The following STOM variants were observed in gnomAD, a reference collection of about 807,000 sequenced individuals.
The protein encoded by STOM is stomatin.
STOM carries 25 observed loss-of-function variants against 30.6 expected under a neutral mutation model. That is an observed-to-expected ratio of 0.82 (90% CI 0.60 to 1.14). STOM has a LOEUF of 1.14. Ranked by LOEUF, STOM falls within the 50% of genes most tolerant of loss-of-function variation. The pLI is 0.00. For synonymous variants in STOM, 118 were observed against 130.8 expected (o/e 0.90, Z 0.67); for missense variants, 292 against 365.2 (o/e 0.80, Z 1.63).
chr9:121,344,351 T>A (rs2064271613), intron 6 of STOM, among the ~76,000 whole-genome samples: 1 of 152,138 alleles, frequency 6.6e-6, no homozygotes, highest in African/African-American at 2.4e-5. Context: ...AATTAGGCAC[T>A]TTTTTCTTTG....
At chr9:121,345,470 C>G (rs1448066341) in intron 6 of STOM, among the ~76,000 whole-genome samples, 1 of 152,190 alleles carries the variant, frequency 6.6e-6, no homozygotes, top group Non-Finnish European at 1.5e-5. Flanking sequence ...TTATTCCACT[C>G]TATCTCACCT....
At chr9:121,360,893 G>A (rs1161606900) in intron 1 of STOM, among the ~76,000 whole-genome samples, 2 of 152,168 alleles carry the variant, frequency 1.3e-5, no homozygotes. Context: ...ACTGGATTTG[G>A]TCTTTCACAT....
Position 121,341,385 on chromosome 9 carries a change from C to A in STOM, c.684G>T (p.Met228Ile). ...RAKVIAAEGE[M>I]NASRALKEAS... Reference sequence around the variant, plus strand: ...CTTCTTTCAGAGCCCTGGATGCATTCATTTCTCCTTCGGCTGCAATAACCT... The same window carrying A: ...CTTCTTTCAGAGCCCTGGATGCATTAATTTCTCCTTCGGCTGCAATAACCT... The change falls in exon 7 of 7, where the codon ATG becomes ATT. Residue 228 changes from methionine to isoleucine, a missense_variant. Physicochemically the swap from Met to Ile is conservative, Grantham distance 10. Coordinates refer to ENST00000286713, the MANE Select transcript of STOM (RefSeq NM_004099.6). 6.2e-7 allele frequency: 1 copy of A among 1,613,468 alleles called. No individual in the cohort carries two copies. The highest frequency in any genetic ancestry group is 2.2e-5 in the East Asian group (1 of 44,884).
chr9:121,360,778 T>A (rs2064443863), intron 1 of STOM, among the ~76,000 whole-genome samples: 1 of 152,048 alleles, frequency 6.6e-6, no homozygotes, highest in Non-Finnish European at 1.5e-5. Flanking sequence ...TCAGCCCAGT[T>A]TTTTTTGTGT....
intron 1 of STOM, among the ~76,000 whole-genome samples, chr9:121,361,683 C>T (rs1221004192): frequency 6.6e-6 from 1 of 152,140 alleles, no homozygotes. Context: ...CCAATGCACC[C>T]GGCCACTTGT....
Position 121,357,441 on chromosome 9 carries a change from T to TATATATATATATA in STOM, c.62-1286_62-1285insTATATATATATAT, listed in dbSNP as rs1564631312. On this transcript the variant is annotated intron_variant, in intron 1 of 6. Coordinates refer to ENST00000286713, the MANE Select transcript of STOM (RefSeq NM_004099.6). ...TTTTAAATGATATATATATATATAT[T>TATATATATATATA]TATTTATTTATTTTTTGAGACAGAG... Among the ~76,000 whole-genome samples the TATATATATATATA allele has an allele frequency of 1.3e-3, 96 of 74,084 alleles. 6 individuals carry two copies. The South Asian group carries it at 0.024, about 18-fold the overall frequency. The allele number at this position is 74,084 out of a possible 152,430, so 48.6% of individuals were successfully genotyped here.
chr9:121,354,146 T>C (rs959947759), intron 3 of STOM, among the ~76,000 whole-genome samples: 4 of 152,234 alleles, frequency 2.6e-5, no homozygotes, highest in African/African-American at 4.8e-5. Flanking sequence ...AGTCTTTCTT[T>C]GGTAGAGATT....
Position 121,349,305 on chromosome 9 carries a change from C to T in STOM, c.340G>A (p.Val114Met). ...ACCACACCATCCACGCTAATTGTCA[C>T]TGAATCCTTTGTGAGGATCTACAAG... ...PPQEILTKDS[V>M]TISVDGVVYY... The change falls in exon 5 of 7, where the codon GTG becomes ATG. Residue 114 changes from valine (V) to methionine (M), a missense_variant. By Grantham distance (21) the Val-to-Met change is conservative. Coordinates refer to ENST00000286713, the MANE Select transcript of STOM (RefSeq NM_004099.6). 2 of 1,614,112 alleles carry T rather than the reference C, an allele frequency of 1.2e-6. No individual in the cohort carries two copies. The highest frequency in any genetic ancestry group is 1.7e-6 in the Non-Finnish European group (2 of 1,179,994).
chr9:121,345,022 C>A (rs902324030), intron 6 of STOM, among the ~76,000 whole-genome samples: 4 of 152,144 alleles, frequency 2.6e-5, no homozygotes, highest in Non-Finnish European at 4.4e-5. Context: ...TACATTCATT[C>A]TCTTTGCTAT....
intron 2 of STOM, 34 bp from the exon 3 acceptor site, chr9:121,354,707 A>T: frequency 6.6e-7 from 1 of 1,507,930 alleles, no homozygotes; most frequent in Non-Finnish European, 9.1e-7. Context: ...ATTTAACATG[A>T]AGAGTACAAA....
At chr9:121,355,956 A>G (rs2064385145) in intron 2 of STOM, 97 bp downstream of exon 2, 1 of 729,864 alleles carries the variant, frequency 1.4e-6, no homozygotes, top group Admixed American at 3.2e-5. Context: ...AGAGAGAGAC[A>G]GTCTGTTTCT....
chr9:121,365,475 A>G (rs2064493950), intron 1 of STOM, among the ~76,000 whole-genome samples: 1 of 129,140 alleles, frequency 7.7e-6, no homozygotes, highest in African/African-American at 2.6e-5. Context: ...CCCACTTTTT[A>G]GGTTTTTTTT....
chr9:121,370,240 G>C lies in STOM; in HGVS notation c.-53C>G. 2.6e-6 allele frequency: 4 copies of C among 1,520,286 alleles called. No homozygotes were observed. Among genetic ancestry groups the C allele is most frequent in the Non-Finnish European group, 3.5e-6 (4 of 1,127,804 alleles). 94.2% of individuals were successfully genotyped at this position (1,520,286 alleles called of 1,614,324 possible). A position where few individuals can be genotyped will look rare whatever the true frequency, so the allele number is the denominator to read the frequency against. On this transcript the variant is annotated 5_prime_UTR_variant, in exon 1 of 7. Transcript: ENST00000286713. ...CGTCCTCGTTGCCAAACCCGGAGCCGCCGGGAATGCCCTGAGGAGCCAGAG... is the reference window on the plus strand; with the variant it reads ...CGTCCTCGTTGCCAAACCCGGAGCCCCCGGGAATGCCCTGAGGAGCCAGAG...
Position 121,366,867 on chromosome 9 carries a change from C to T in STOM, c.61+3260G>A, listed in dbSNP as rs191244580. 1.7e-4 allele frequency among the ~76,000 whole-genome samples: 26 copies of T among 151,466 alleles called. No individual in the cohort carries two copies. The East Asian group carries it at 3.9e-3, about 23-fold the overall frequency. ...GCACTCTGGGAGGGTAAAGTGGGAT[C>T]GCTTGAGTCCAGGAGTTCGAGACCA... On this transcript the variant is annotated intron_variant, in intron 1 of 6. Transcript: ENST00000286713.
chr9:121,351,562 T>G (rs1037673896), intron 4 of STOM, among the ~76,000 whole-genome samples: 1 of 152,260 alleles, frequency 6.6e-6, no homozygotes, highest in Non-Finnish European at 1.5e-5. Flanking sequence ...GTTTTCAGGT[T>G]TTCTGTATGC....
Position 121,348,011 on chromosome 9 carries a change from T to G in STOM, c.660+4A>C. 1 of 1,592,808 alleles carries G rather than the reference T, an allele frequency of 6.3e-7. No homozygotes were observed. Among genetic ancestry groups the G allele is most frequent in the South Asian group, 1.1e-5 (1 of 87,162 alleles). ...AAGAAAAACAAGTTTAAAAAAAAAG[T>G]TACCTTGGCGCGGGCCTCGCGGGAC... is the stretch of plus-strand genomic sequence containing the variant. On this transcript the variant is annotated splice_donor_region_variant and intron_variant, in intron 6 of 6. Transcript: ENST00000286713.
At chr9:121,350,290 C>T (rs1453517055) in intron 4 of STOM, among the ~76,000 whole-genome samples, 1 of 152,204 alleles carries the variant, frequency 6.6e-6, no homozygotes. Flanking sequence ...TGGCACCTTT[C>T]TACTGATCAT....
At position 121,339,553 on chromosome 9, in the gene STOM, G is replaced by A. The variant is rs1439581080; in HGVS notation, c.*1649C>T. 8 of 1,230,692 alleles carry A rather than the reference G, an allele frequency of 6.5e-6. No homozygotes were observed. The East Asian group carries it at 2.2e-4, about 34-fold the overall frequency. 76.2% of individuals were successfully genotyped at this position (1,230,692 alleles called of 1,614,324 possible). ...TTGGCTGGATGGACAGAGTGGTTGAGCTAAAGAGAGCTATAAAGGCTCGTG... is the reference window on the plus strand; with the variant it reads ...TTGGCTGGATGGACAGAGTGGTTGAACTAAAGAGAGCTATAAAGGCTCGTG... On this transcript the variant is annotated 3_prime_UTR_variant, in exon 7 of 7. Transcript: ENST00000286713.
chr9:121,350,653 A>G (rs2064331385), intron 4 of STOM, among the ~76,000 whole-genome samples: 1 of 152,250 alleles, frequency 6.6e-6, no homozygotes. Flanking sequence ...TTTGACCAAC[A>G]GATTCCTCAT....
Sources: allele counts gnomAD v4.1 joint callset (sites outside exome capture counted in the v4.1 genomes callset), GRCh38; gene constraint gnomAD v4.1.1; transcripts MANE v1.5; gene names NCBI Gene and HGNC (gene_info 2026-07-23, HGNC 2026-07-21).